The following NVL variants were observed in gnomAD, a reference collection of about 807,000 sequenced individuals.
NVL encodes nuclear VCP like.
A neutral mutation model predicts 110.2 loss-of-function variants in NVL; 84 were observed. The ratio of observed to expected loss-of-function variants is 0.76; its 90% CI spans 0.64 to 0.91. The LOEUF (loss-of-function observed/expected upper bound fraction) is 0.91. Among genes scored for constraint, NVL ranks in the 40% least tolerant of loss-of-function variants. The pLI is 0.00. For missense variants in NVL, 882 were observed against 1,035.9 expected (o/e 0.85, Z 2.04); for synonymous variants, 354 against 361.1 (o/e 0.98, Z 0.22).
At chr1:224,247,613 G>A (rs1406755982) in intron 19 of NVL, among the ~76,000 whole-genome samples, 1 of 151,762 alleles carries the variant, frequency 6.6e-6, no homozygotes, top group African/African-American at 2.4e-5. Context: ...AGGTTGCAGT[G>A]AACCGAGGTG....
chr1:224,286,214 GGT>G, intron 14 of NVL, 84 bp from the exon 15 acceptor site: 1 of 1,004,594 alleles, frequency 1.0e-6, no homozygotes, highest in Non-Finnish European at 1.5e-6. Context: ...CATATTTTAT[GGT>G]TTTTTTTTTT....
rs566460724 is a variant in NVL, at chr1:224,280,412, A to G, written c.1962+711T>C. Among the ~76,000 whole-genome samples the G allele has an allele frequency of 2.6e-5, 4 of 152,090 alleles. No individual in the cohort carries two copies. The South Asian group carries it at 8.3e-4, about 32-fold the overall frequency. The stretch of plus-strand genomic sequence containing the variant: ...TGTCTGGCTATAACCTTCTTTTCCA[A>G]TCCCAGTTCCCACCAATGCCCTCTG... On this transcript the variant is annotated intron_variant, in intron 16 of 22. Coordinates refer to ENST00000281701, the MANE Select transcript of NVL (RefSeq NM_002533.4).
At chr1:224,290,995 G>A (rs144406780) in intron 12 of NVL, among the ~76,000 whole-genome samples, 1 of 152,118 alleles carries the variant, frequency 6.6e-6, no homozygotes, top group Non-Finnish European at 1.5e-5. Flanking sequence ...AGATATTCAG[G>A]ATGAAAGGTC....
At chr1:224,319,795 ATTAT>A (rs1266751523) in intron 2 of NVL, among the ~76,000 whole-genome samples, 4 of 152,102 alleles carry the variant, frequency 2.6e-5, no homozygotes, top group African/African-American at 9.7e-5. Flanking sequence ...ATTCTTATAA[ATTAT>A]TTATTAATTT....
rs1378661578 is a variant in NVL, at chr1:224,289,509, C to T, written c.1550G>A (p.Gly517Glu). 4 of 1,614,184 alleles carry T rather than the reference C, an allele frequency of 2.5e-6. No individual in the cohort carries two copies. Among genetic ancestry groups the T allele is most frequent in the Non-Finnish European group, 3.4e-6 (4 of 1,180,030 alleles). The change falls in exon 13 of 23, where the codon GGA becomes GAA. Residue 517 changes from glycine (G) to glutamate (E), a missense_variant. Gly to Glu is a moderately conservative substitution (Grantham distance 98). Around this residue, in one of 4 missense-constraint regions of NVL, gnomAD observed 416 missense variants for 499.3 expected, o/e 0.83. Transcript: ENST00000281701. ...CTGTGTTTCAGAAGTGGGCTCAGTT[C>T]CCAGCCTTTCCTCCTGGACTCCTTT... ...PSKGVQEERL[G>E]TEPTSETQDE...
chr1:224,261,421 T>C (rs1407674223), intron 18 of NVL, among the ~76,000 whole-genome samples: 2 of 152,160 alleles, frequency 1.3e-5, no homozygotes, highest in Non-Finnish European at 2.9e-5. Flanking sequence ...GATATTTGGG[T>C]TTCATAATTG....
chr1:224,233,775 C>T (rs979219134), intron 20 of NVL, among the ~76,000 whole-genome samples: 1 of 149,052 alleles, frequency 6.7e-6, no homozygotes, highest in African/African-American at 2.5e-5. Context: ...AAAACAAAAA[C>T]AAAAAAAAAC....
intron 1 of NVL, among the ~76,000 whole-genome samples, chr1:224,328,514 T>C (rs892831107): frequency 1.7e-4 from 26 of 150,574 alleles, no homozygotes; most frequent in African/African-American, 6.4e-4. Flanking sequence ...CTGTGGGGAA[T>C]AGGCTTTAGG....
intron 18 of NVL, among the ~76,000 whole-genome samples, chr1:224,263,847 C>G (rs1664218441): frequency 6.6e-6 from 1 of 152,126 alleles, no homozygotes; most frequent in South Asian, 2.1e-4. Flanking sequence ...GAAACCCCAT[C>G]TCTACTAAAA....
At chr1:224,246,457 C>T (rs1189083220) in intron 19 of NVL, among the ~76,000 whole-genome samples, 1 of 152,186 alleles carries the variant, frequency 6.6e-6, no homozygotes, top group African/African-American at 2.4e-5. Flanking sequence ...GAATGAAACA[C>T]AGCAGGAAGA....
chr1:224,310,206 T>G (rs571092279), intron 5 of NVL, among the ~76,000 whole-genome samples: 2 of 141,134 alleles, frequency 1.4e-5, no homozygotes, highest in Non-Finnish European at 3.1e-5. Context: ...AAGAAAGAAA[T>G]ATAGTGTAAA....
At chr1:224,326,517 A>G in intron 1 of NVL, 53 bp from the exon 2 acceptor site, 1 of 1,206,362 alleles carries the variant, frequency 8.3e-7, no homozygotes, top group Admixed American at 1.8e-5. Flanking sequence ...AAACTCAGTG[A>G]TTTTAATCAA....
intron 11 of NVL, among the ~76,000 whole-genome samples, chr1:224,295,634 G>A (rs1386134778): frequency 6.6e-6 from 1 of 151,532 alleles, no homozygotes; most frequent in African/African-American, 2.4e-5. Flanking sequence ...CAGAAAGACT[G>A]AGCCCAGGAG....
intron 2 of NVL, 150 bp downstream of exon 2, chr1:224,326,241 T>C (rs1035007157): frequency 1.4e-5 from 8 of 583,810 alleles, no homozygotes; most frequent in African/African-American, 3.7e-5. Context: ...TGATAAATGT[T>C]TGCATAACTG....
At chr1:224,273,807 G>C (rs1276881989) in intron 17 of NVL, among the ~76,000 whole-genome samples, 1 of 152,098 alleles carries the variant, frequency 6.6e-6, no homozygotes, top group African/African-American at 2.4e-5. Flanking sequence ...GGGGAACCTG[G>C]GAAGGATCTC....
intron 17 of NVL, among the ~76,000 whole-genome samples, chr1:224,271,252 G>T (rs2102834071): frequency 6.6e-6 from 1 of 152,242 alleles, no homozygotes; most frequent in South Asian, 2.1e-4. Context: ...CAGCACTTTG[G>T]GAGGCTGAGG....
chr1:224,301,820 A>AAG lies in NVL; in HGVS notation c.961-1159_961-1158dup, dbSNP rs780857602. ...TTTCAAAAAAAAAAAAAAAAAAAAAAAGAGAGAAGAGAGACTACTGTTCTC... is the reference window on the plus strand; with the variant it reads ...TTTCAAAAAAAAAAAAAAAAAAAAAAAGAGAGAGAAGAGAGACTACTGTTCTC... On this transcript the variant is annotated intron_variant, in intron 9 of 22. Transcript: ENST00000281701. 57 of 162,968 alleles carry AAG rather than the reference A, an allele frequency of 3.5e-4. 2 individuals carry two copies. Among genetic ancestry groups the AAG allele is most frequent in the Middle Eastern group, 3.0e-3 (1 of 332 alleles). The allele number at this position is 162,968 out of a possible 1,614,324, so 10.1% of individuals were successfully genotyped here.
Position 224,300,037 on chromosome 1 carries a change from G to A in NVL, c.1062+525C>T, listed in dbSNP as rs184486559. Among the ~76,000 whole-genome samples the A allele has an allele frequency of 3.8e-4, 58 of 152,238 alleles. No individual in the cohort carries two copies. In the East Asian group the frequency reaches 0.011, roughly 29 times the overall value. ...TACAGCTAATATTTACAGGGCTTGTGCTGTGTGCAAGGCACCATATCGAAG... is the reference window on the plus strand; with the variant it reads ...TACAGCTAATATTTACAGGGCTTGTACTGTGTGCAAGGCACCATATCGAAG... On this transcript the variant is annotated intron_variant, in intron 10 of 22. Transcript: ENST00000281701.
intron 22 of NVL, among the ~76,000 whole-genome samples, chr1:224,230,810 G>A (rs1659788942): frequency 6.6e-6 from 1 of 152,098 alleles, no homozygotes; most frequent in Non-Finnish European, 1.5e-5. Flanking sequence ...TTTTTAGGAA[G>A]TAGAAGTAGT....
Sources: gnomAD v4.1 joint callset for allele counts (sites outside exome capture counted in the v4.1 genomes callset) on GRCh38, gnomAD v4.1.1 for gene constraint, gnomAD v4.1.1 regional missense constraint, MANE v1.5 for transcripts, NCBI Gene and HGNC (gene_info 2026-07-23, HGNC 2026-07-21) for gene names.